Variants in GATAD2B observed in about 807,000 individuals in gnomAD.
GATAD2B encodes the protein transcriptional repressor p66-beta.
Under a neutral mutation model 64.3 loss-of-function variants are expected in GATAD2B, and 8 were observed. That is an observed-to-expected ratio of 0.12 (90% CI 0.07 to 0.22). The LOEUF (loss-of-function observed/expected upper bound fraction) is 0.22. GATAD2B is among the 10% of genes least tolerant of loss of function. GATAD2B has a pLI of 1.00. For synonymous variants in GATAD2B, 281 were observed against 271.3 expected (o/e 1.04, Z -0.35); for missense variants, 453 against 752.0 (o/e 0.60, Z 4.65).
At chr1:153,885,863 C>CAA (rs778577435) in intron 1 of GATAD2B, among the ~76,000 whole-genome samples, 10 of 53,656 alleles carry the variant, frequency 1.9e-4, no homozygotes, top group East Asian at 1.1e-3. Flanking sequence ...ACTCCGTCTC[C>CAA]AAAAAAAAAA....
chr1:153,826,006 C>CTTTT lies in GATAD2B; in HGVS notation c.335+2003_335+2006dup, dbSNP rs11319966. Among the ~76,000 whole-genome samples, 264 of 142,974 alleles carry CTTTT rather than the reference C, an allele frequency of 1.8e-3. 2 individuals carry two copies. The highest frequency in any genetic ancestry group is 6.4e-3 in the African/African-American group (248 of 38,956). 93.8% of individuals were successfully genotyped at this position (142,974 alleles called of 152,430 possible). The stretch of plus-strand genomic sequence containing the variant: ...TGTTTCTGAACTATTTATAAACTGA[C>CTTTT]TTTTTTTTTTTTTTTCAGACGAAGT... On this transcript the variant is annotated intron_variant, in intron 2 of 10. Coordinates refer to ENST00000368655, the MANE Select transcript of GATAD2B (RefSeq NM_020699.4).
At chr1:153,818,364 G>A (rs1420806244) in intron 4 of GATAD2B, among the ~76,000 whole-genome samples, 193 bp from the exon 5 acceptor site, 1 of 148,034 alleles carries the variant, frequency 6.8e-6, no homozygotes, top group African/African-American at 2.5e-5. Flanking sequence ...GCCCAGGCTG[G>A]AGTGCAGTGG....
At chr1:153,825,685 A>G (rs565734820) in intron 2 of GATAD2B, among the ~76,000 whole-genome samples, 3 of 152,236 alleles carry the variant, frequency 2.0e-5, no homozygotes, top group Admixed American at 2.0e-4. Flanking sequence ...CTCGGCCTCA[A>G]AGTGCTGGGA....
Position 153,908,781 on chromosome 1 carries a change from G to GAAAAAAA in GATAD2B, c.-2+13951_-2+13952insTTTTTTT, listed in dbSNP as rs1557832980. Among the ~76,000 whole-genome samples, 17 of 29,050 alleles carry GAAAAAAA rather than the reference G, an allele frequency of 5.9e-4. 1 individual carries two copies. The highest frequency in any genetic ancestry group is 1.6e-3 in the Non-Finnish European group (12 of 7,400). The allele number at this position is 29,050 out of a possible 152,430, so 19.1% of individuals were successfully genotyped here. A position where few individuals can be genotyped will look rare whatever the true frequency, so the allele number is the denominator to read the frequency against. On this transcript the variant is annotated intron_variant, in intron 1 of 10. Transcript: ENST00000368655. ...CCGCACCTGGCCTAGAAACATACTT[G>GAAAAAAA]GAAAAAAAAAAAAAAAAAAAAGAAA...
At chr1:153,879,442 A>G (rs1360261042) in intron 1 of GATAD2B, among the ~76,000 whole-genome samples, 3 of 151,918 alleles carry the variant, frequency 2.0e-5, no homozygotes, top group African/African-American at 7.3e-5. Context: ...TAAATATCAC[A>G]CCTAGGAGGC....
intron 1 of GATAD2B, among the ~76,000 whole-genome samples, chr1:153,894,127 G>A (rs966638715): frequency 2.0e-5 from 3 of 152,032 alleles, no homozygotes; most frequent in African/African-American, 4.8e-5. Context: ...TCAGAATAGT[G>A]GCTACCTGTT....
intron 1 of GATAD2B, among the ~76,000 whole-genome samples, chr1:153,908,171 T>C (rs1388323242): frequency 6.6e-6 from 1 of 152,120 alleles, no homozygotes; most frequent in Admixed American, 6.6e-5. Flanking sequence ...CACATCTATG[T>C]GCCAGGTTTA....
At chr1:153,861,619 TA>T (rs969410001) in intron 1 of GATAD2B, among the ~76,000 whole-genome samples, 241 of 134,462 alleles carry the variant, frequency 1.8e-3, no homozygotes, top group Middle Eastern at 3.8e-3. Context: ...CCATCTCTAC[TA>T]AAAAAAAAAA....
chr1:153,846,273 C>T (rs1221854714), intron 1 of GATAD2B, among the ~76,000 whole-genome samples: 2 of 152,164 alleles, frequency 1.3e-5, no homozygotes, highest in East Asian at 3.9e-4. Flanking sequence ...CACTCTGTCA[C>T]CCAGGCTGGG....
At chr1:153,892,782 C>T (rs1677458753) in intron 1 of GATAD2B, among the ~76,000 whole-genome samples, 1 of 150,864 alleles carries the variant, frequency 6.6e-6, no homozygotes, top group Admixed American at 6.6e-5. Flanking sequence ...GCAACCTCTG[C>T]CTCCCGGGTT....
chr1:153,884,053 T>G (rs1372879952), intron 1 of GATAD2B, among the ~76,000 whole-genome samples: 3 of 152,202 alleles, frequency 2.0e-5, no homozygotes, highest in Admixed American at 2.0e-4. Context: ...TCCCAGCACT[T>G]TGGGAGGCTG....
At chr1:153,853,009 T>C in intron 1 of GATAD2B, 4 of 1,234,216 alleles carry the variant, frequency 3.2e-6, no homozygotes, top group Non-Finnish European at 4.8e-6. Context: ...TTTGGTCTTG[T>C]CCATCAACCC....
chr1:153,838,505 CT>C (rs1003304793), intron 1 of GATAD2B, among the ~76,000 whole-genome samples: 21 of 151,356 alleles, frequency 1.4e-4, no homozygotes, highest in East Asian at 3.9e-4. Context: ...CGCCCTGCCT[CT>C]TTTTTTTTCC....
chr1:153,880,492 A>G (rs1676977809), intron 1 of GATAD2B, among the ~76,000 whole-genome samples: 2 of 151,650 alleles, frequency 1.3e-5, no homozygotes, highest in South Asian at 4.2e-4. Flanking sequence ...AAAAACAAAA[A>G]AGCCACACAA....
intron 4 of GATAD2B, 35 bp downstream of exon 4, chr1:153,818,756 C>T (rs1157637227): frequency 1.9e-6 from 3 of 1,598,456 alleles, no homozygotes; most frequent in Non-Finnish European, 2.6e-6. Flanking sequence ...TTTTTCTTTC[C>T]TTTCCCTTAG....
intron 9 of GATAD2B, 30 bp downstream of exon 9, chr1:153,811,992 G>T: frequency 2.1e-6 from 3 of 1,416,314 alleles, no homozygotes; most frequent in Non-Finnish European, 3.0e-6. Context: ...ATCTTCTAAA[G>T]AAATCAGGAT....
At chr1:153,871,523 A>T (rs780009106) in intron 1 of GATAD2B, among the ~76,000 whole-genome samples, 2 of 151,902 alleles carry the variant, frequency 1.3e-5, no homozygotes, top group Non-Finnish European at 2.9e-5. Flanking sequence ...CATTTTTAAC[A>T]GCCTCTTAAA....
chr1:153,858,976 T>C (rs376107601), intron 1 of GATAD2B, among the ~76,000 whole-genome samples: 5 of 151,972 alleles, frequency 3.3e-5, no homozygotes, highest in Non-Finnish European at 5.9e-5. Context: ...AGGTAACAAG[T>C]AGAGGTCACA....
rs564523673 is a variant in GATAD2B at position 153,852,566 on chromosome 1, G to C, written c.-1-24218C>G. On this transcript the variant is annotated intron_variant, in intron 1 of 10. Transcript: ENST00000368655. ...TTTTCCACTCCACCCATGAGAGCTAGAGCTTATCCTGAGCATCCTGAATTT... is the reference window on the plus strand; with the variant it reads ...TTTTCCACTCCACCCATGAGAGCTACAGCTTATCCTGAGCATCCTGAATTT... The C allele has an allele frequency of 3.1e-5, 24 of 772,232 alleles. No individual in the cohort carries two copies. The East Asian group carries it at 3.7e-4, about 12-fold the overall frequency. The allele number at this position is 772,232 out of a possible 1,614,324, so 47.8% of individuals were successfully genotyped here.
Sources: gnomAD v4.1 joint callset for allele counts (sites outside exome capture counted in the v4.1 genomes callset) on GRCh38, gnomAD v4.1.1 for gene constraint, MANE v1.5 for transcripts, NCBI Gene and HGNC (gene_info 2026-07-23, HGNC 2026-07-21) for gene names.